UBR1: variants seen among roughly 807,000 people sequenced by gnomAD.
The protein encoded by UBR1 is E3 ubiquitin-protein ligase UBR1.
A neutral mutation model predicts 242.1 loss-of-function variants in UBR1; 102 were observed. The observed-to-expected ratio is 0.42, with a 90% CI of 0.36 to 0.50. The LOEUF is 0.50. Among genes scored for constraint, UBR1 ranks in the 20% least tolerant of loss-of-function variants. The pLI is 0.01. For missense variants in UBR1, 1,772 were observed against 2,101.8 expected (o/e 0.84, Z 3.07); for synonymous variants, 675 against 684.8 (o/e 0.99, Z 0.22).
At chr15:43,015,957 G>C in intron 28 of UBR1, 88 bp from the exon 29 acceptor site, 1 of 1,269,284 alleles carries the variant, frequency 7.9e-7, no homozygotes, top group Non-Finnish European at 1.1e-6. Context: ...CTTAGAATAA[G>C]ATTCTGAAAC....
chr15:43,013,884 C>T (rs905418859), intron 29 of UBR1, among the ~76,000 whole-genome samples: 1 of 152,120 alleles, frequency 6.6e-6, no homozygotes, highest in Non-Finnish European at 1.5e-5. Context: ...CTCCCCCTCC[C>T]CACGGTCTCC....
intron 1 of UBR1, among the ~76,000 whole-genome samples, chr15:43,100,099 T>G (rs756965335): frequency 9.9e-5 from 15 of 151,878 alleles, no homozygotes; most frequent in Admixed American, 2.6e-4. Context: ...ACGGTCTCGA[T>G]CTCCTGACCT....
chr15:43,025,674 T>G (rs1175671775), intron 23 of UBR1: 5 of 479,506 alleles, frequency 1.0e-5, no homozygotes, highest in African/African-American at 1.9e-5. Context: ...ATTTACCCAG[T>G]ACCTATTATG....
chr15:43,043,050 C>T (rs1226718485), intron 15 of UBR1, among the ~76,000 whole-genome samples, 165 bp downstream of exon 15: 1 of 152,172 alleles, frequency 6.6e-6, no homozygotes, highest in Non-Finnish European at 1.5e-5. Flanking sequence ...AATAGATGTT[C>T]TGGTGACAGC....
At chr15:43,057,349 T>C (rs1439579959) in intron 10 of UBR1, among the ~76,000 whole-genome samples, 1 of 152,220 alleles carries the variant, frequency 6.6e-6, no homozygotes, top group Non-Finnish European at 1.5e-5. Flanking sequence ...ACAATCATTA[T>C]TTCTTTCTCT....
Position 42,952,514 on chromosome 15 carries a change from A to G in UBR1, c.4836-66T>C. 1.9e-6 allele frequency: 3 copies of G among 1,555,974 alleles called. No individual in the cohort carries two copies. The Admixed American group carries it at 5.0e-5, about 26-fold the overall frequency. On this transcript the variant is annotated intron_variant, in intron 44 of 46. Coordinates refer to ENST00000290650, the MANE Select transcript of UBR1 (RefSeq NM_174916.3). Reference sequence around the variant, plus strand: ...AAAACAAAACAAATAAGTACCATATATCCTGTTAGCAATCAAGCATGTTTT... The same window carrying G: ...AAAACAAAACAAATAAGTACCATATGTCCTGTTAGCAATCAAGCATGTTTT...
intron 1 of UBR1, among the ~76,000 whole-genome samples, chr15:43,093,406 T>C (rs942253061): frequency 3.9e-5 from 6 of 152,188 alleles, no homozygotes; most frequent in African/African-American, 1.4e-4. Context: ...CCACTATGGA[T>C]TAGTAATAAT....
At position 43,024,986 on chromosome 15, in the gene UBR1, A is replaced by C; in HGVS notation, c.2585-3T>G. ...AGGAGGTGGTGGTGGCGGCAATGCTATAGGAGGTGGGGAATGGATGGGGAA... is the reference window on the plus strand; with the variant it reads ...AGGAGGTGGTGGTGGCGGCAATGCTCTAGGAGGTGGGGAATGGATGGGGAA... On this transcript the variant is annotated splice_polypyrimidine_tract_variant and splice_region_variant and intron_variant, in intron 24 of 46. Transcript: ENST00000290650. 1 of 1,613,992 alleles carries C rather than the reference A, an allele frequency of 6.2e-7. No individual in the cohort carries two copies. The highest frequency in any genetic ancestry group is 2.2e-5 in the East Asian group (1 of 44,882).
At chr15:43,066,279 G>A (rs898042256) in intron 6 of UBR1, among the ~76,000 whole-genome samples, 2 of 152,046 alleles carry the variant, frequency 1.3e-5, no homozygotes, top group Non-Finnish European at 2.9e-5. Context: ...ATGGTTCTAG[G>A]TGTGTGGTCT....
At chr15:42,957,786 G>A (rs1029120735) in intron 44 of UBR1, among the ~76,000 whole-genome samples, 6 of 151,980 alleles carry the variant, frequency 3.9e-5, no homozygotes, top group Admixed American at 3.3e-4. Flanking sequence ...GAGATGGGAA[G>A]AGCCCAGGAG....
chr15:42,958,065 T>C lies in UBR1; in HGVS notation c.4783A>G (p.Ile1595Val). ...VRYPRKRNSL[I>V]ELPDDYSCLL... ...CAGCTATAGTCATCAGGAAGCTCTATCAAACTATTTCTTTTTCTAGGGTAC... is the reference window on the plus strand; with the variant it reads ...CAGCTATAGTCATCAGGAAGCTCTACCAAACTATTTCTTTTTCTAGGGTAC... Residue 1595 changes from isoleucine to valine, a missense_variant, in exon 44 of 47, where the codon ATA becomes GTA. Physicochemically the swap from Ile to Val is conservative, Grantham distance 29. This residue lies in a region of UBR1 where 965 missense variants were observed against 1,079.7 expected (regional missense o/e 0.89). Transcript: ENST00000290650. The C allele has an allele frequency of 6.2e-7, 1 of 1,613,608 alleles. No individual in the cohort carries two copies. The highest frequency in any genetic ancestry group is 8.5e-7 in the Non-Finnish European group (1 of 1,179,808).
chr15:42,966,220 A>G lies in UBR1; in HGVS notation c.4524T>C (p.Tyr1508=). The G allele has an allele frequency of 6.2e-7, 1 of 1,614,162 alleles. No individual in the cohort carries two copies. Among genetic ancestry groups the G allele is most frequent in the Non-Finnish European group, 8.5e-7 (1 of 1,180,032 alleles). The part of the protein sequence containing the change: ...WVSLKNGITP[Y]LRCAALFFHY... Reference sequence around the variant, plus strand: ...GGAAAAACAATGCAGCACAGCGAAGATAAGGGGTGATGCCATTCTTCAGTG... The same window carrying G: ...GGAAAAACAATGCAGCACAGCGAAGGTAAGGGGTGATGCCATTCTTCAGTG... The change falls in exon 41 of 47, where the codon TAT becomes TAC. Residue 1508 remains tyrosine, a synonymous_variant. Coordinates refer to ENST00000290650, the MANE Select transcript of UBR1 (RefSeq NM_174916.3).
intron 29 of UBR1, among the ~76,000 whole-genome samples, chr15:43,010,108 G>A (rs1340374861): frequency 1.3e-5 from 2 of 152,108 alleles, no homozygotes; most frequent in Non-Finnish European, 2.9e-5. Context: ...TCCTGACCTC[G>A]TGATCTGCCT....
At chr15:43,097,682 C>T (rs996481136) in intron 1 of UBR1, among the ~76,000 whole-genome samples, 5 of 152,342 alleles carry the variant, frequency 3.3e-5, no homozygotes, top group East Asian at 1.9e-4. Flanking sequence ...TTAAACATCA[C>T]GAACCAACCT....
rs145258778 is a variant in UBR1, at chr15:43,065,758, A to G, written c.798+2140T>C. Among the ~76,000 whole-genome samples the G allele has an allele frequency of 3.9e-5, 6 of 152,094 alleles. No individual in the cohort carries two copies. In the East Asian group the frequency reaches 1.2e-3, roughly 29 times the overall value. On this transcript the variant is annotated intron_variant, in intron 6 of 46. Coordinates refer to ENST00000290650, the MANE Select transcript of UBR1 (RefSeq NM_174916.3). The stretch of plus-strand genomic sequence containing the variant: ...GCTTTTTTTCATGTTTGCTGGCTGC[A>G]TGTATGTCTTCTTTTGAGAAGTGTC...
chr15:43,019,502 C>A (rs2033075626), intron 27 of UBR1, among the ~76,000 whole-genome samples: 1 of 150,812 alleles, frequency 6.6e-6, no homozygotes, highest in Non-Finnish European at 1.5e-5. Context: ...TTCTGATTAT[C>A]AAAACAATAC....
chr15:43,024,914 T>C lies in UBR1; in HGVS notation c.2654A>G (p.Asp885Gly). The C allele has an allele frequency of 6.2e-7, 1 of 1,614,188 alleles. No individual in the cohort carries two copies. Among genetic ancestry groups the C allele is most frequent in the South Asian group, 1.1e-5 (1 of 91,078 alleles). Residue 885 changes from aspartate to glycine, a missense_variant, in exon 25 of 47, where the codon GAT (aspartate) becomes GGT (glycine). This residue lies in a region of UBR1 where 965 missense variants were observed against 1,079.7 expected (regional missense o/e 0.89). Transcript: ENST00000290650. ...FSKVINLLNCDIMMYILRTVF... is the reference protein window; with the variant it reads ...FSKVINLLNCGIMMYILRTVF... Reference sequence around the variant, plus strand: ...GGTCCTGAGAATGTACATCATGATATCACAGTTGAGAAGGTTAATCACTTT... The same window carrying C: ...GGTCCTGAGAATGTACATCATGATACCACAGTTGAGAAGGTTAATCACTTT...
chr15:42,994,211 A>C (rs995209957), intron 33 of UBR1, among the ~76,000 whole-genome samples: 1 of 152,036 alleles, frequency 6.6e-6, no homozygotes, highest in Non-Finnish European at 1.5e-5. Flanking sequence ...AAAACTATTG[A>C]GATTCTTACA....
At chr15:42,965,771 T>C (rs1164144758) in intron 41 of UBR1, among the ~76,000 whole-genome samples, 6 of 152,142 alleles carry the variant, frequency 3.9e-5, no homozygotes, top group Non-Finnish European at 8.8e-5. Context: ...CCGGCCTACA[T>C]GTCCAAAATT....
Sources: gnomAD v4.1 joint callset for allele counts (sites outside exome capture counted in the v4.1 genomes callset) on GRCh38, gnomAD v4.1.1 for gene constraint, gnomAD v4.1.1 regional missense constraint, MANE v1.5 for transcripts, NCBI Gene and HGNC (gene_info 2026-07-23, HGNC 2026-07-21) for gene names.